The following KCNIP4 variants were observed in gnomAD, a reference collection of about 807,000 sequenced individuals.
The protein encoded by KCNIP4 is Kv channel-interacting protein 4.
In KCNIP4, 12 loss-of-function variants were observed where a neutral mutation model predicts 34.0. The observed-to-expected ratio is 0.35, with a 90% CI of 0.23 to 0.57. The LOEUF is 0.57. KCNIP4 is among the 20% of genes least tolerant of loss of function. The pLI is 0.83. For synonymous variants in KCNIP4, 124 were observed against 102.2 expected, an observed-to-expected ratio of 1.21 and a Z score of -1.29; for missense variants, 238 against 311.7, an observed-to-expected ratio of 0.76 and a Z score of 1.78.
At chr4:20,749,262 A>C (rs886815225) in intron 5 of KCNIP4, among the ~76,000 whole-genome samples, 3 of 151,948 alleles carry the variant, frequency 2.0e-5, no homozygotes, top group Admixed American at 2.0e-4. Context: ...CTTTTTCTAC[A>C]TTTAATTTCT....
At chr4:21,115,223 A>G (rs986885672) in intron 1 of KCNIP4, among the ~76,000 whole-genome samples, 11 of 152,174 alleles carry the variant, frequency 7.2e-5, no homozygotes, top group African/African-American at 2.4e-4. Flanking sequence ...ATAACCATAC[A>G]CAGTTTAATA....
At chr4:21,553,091 G>A (rs1738708840) in intron 1 of KCNIP4, among the ~76,000 whole-genome samples, 1 of 151,454 alleles carries the variant, frequency 6.6e-6, no homozygotes, top group Admixed American at 6.6e-5. Context: ...AAAGGGCCAG[G>A]CAATGCAGAC....
intron 1 of KCNIP4, among the ~76,000 whole-genome samples, chr4:21,874,812 C>A (rs1253710924): frequency 6.6e-6 from 1 of 152,138 alleles, no homozygotes; most frequent in Admixed American, 6.6e-5. Context: ...TACTACCTTT[C>A]CATATTTCCC....
chr4:21,082,219 C>T (rs995336036), intron 1 of KCNIP4, among the ~76,000 whole-genome samples: 4 of 151,694 alleles, frequency 2.6e-5, no homozygotes, highest in African/African-American at 9.7e-5. Flanking sequence ...AGGAAAACAA[C>T]AGCTGATAGC....
chr4:21,662,334 T>C (rs892959488), intron 1 of KCNIP4, among the ~76,000 whole-genome samples: 1 of 152,212 alleles, frequency 6.6e-6, no homozygotes, highest in Non-Finnish European at 1.5e-5. Context: ...ATAAAAAATG[T>C]CCAAAGTCAC....
At chr4:21,279,698 C>T (rs1164076586) in intron 1 of KCNIP4, among the ~76,000 whole-genome samples, 2 of 151,954 alleles carry the variant, frequency 1.3e-5, no homozygotes, top group African/African-American at 2.4e-5. Flanking sequence ...AGATGGACCT[C>T]CCTGTTGATA....
At chr4:21,000,631 G>A (rs1372892946) in intron 1 of KCNIP4, among the ~76,000 whole-genome samples, 1 of 151,972 alleles carries the variant, frequency 6.6e-6, no homozygotes, top group African/African-American at 2.4e-5. Flanking sequence ...GTTGCAGTGA[G>A]CCAAGATCGC....
chr4:21,753,746 T>C (rs939277331), intron 1 of KCNIP4, among the ~76,000 whole-genome samples: 1 of 152,178 alleles, frequency 6.6e-6, no homozygotes, highest in African/African-American at 2.4e-5. Context: ...ATAGCTGCTG[T>C]CAAGAAAACT....
intron 1 of KCNIP4, among the ~76,000 whole-genome samples, chr4:21,912,460 A>C (rs942418512): frequency 1.3e-5 from 2 of 152,254 alleles, no homozygotes; most frequent in African/African-American, 4.8e-5. Flanking sequence ...AATCTAGTGT[A>C]GGAAACAAAC....
intron 3 of KCNIP4, among the ~76,000 whole-genome samples, chr4:20,785,189 A>G (rs1201624411): frequency 6.6e-6 from 1 of 152,110 alleles, no homozygotes; most frequent in African/African-American, 2.4e-5. Context: ...AGGCAGGAAG[A>G]ATGTGAAAGA....
chr4:20,778,091 A>T (rs1756536394), intron 3 of KCNIP4, among the ~76,000 whole-genome samples: 1 of 152,134 alleles, frequency 6.6e-6, no homozygotes, highest in East Asian at 1.9e-4. Flanking sequence ...CAAGGCCTCC[A>T]CTCCCAAACT....
rs573317930 is a variant in KCNIP4 at position 21,179,949 on chromosome 4, C to A, written c.62-297240G>T. On this transcript the variant is annotated intron_variant, in intron 1 of 8. Coordinates refer to ENST00000382152, the MANE Select transcript of KCNIP4 (RefSeq NM_025221.6). Reference sequence around the variant, plus strand: ...TCAATCTAATGCCAGTTCATTGAGCCCCCATCATGGGTCATGCACTGAGCA... The same window carrying A: ...TCAATCTAATGCCAGTTCATTGAGCACCCATCATGGGTCATGCACTGAGCA... Among the ~76,000 whole-genome samples the A allele has an allele frequency of 2.0e-5, 3 of 152,196 alleles. No homozygotes were observed. In the East Asian group the frequency reaches 5.8e-4, roughly 29 times the overall value.
At chr4:20,852,034 CA>C (rs906198059) in intron 2 of KCNIP4, among the ~76,000 whole-genome samples, 10 of 151,276 alleles carry the variant, frequency 6.6e-5, no homozygotes, top group African/African-American at 1.9e-4. Context: ...ATCAAACAAA[CA>C]AAAAAAATAG....
chr4:21,251,248 G>A (rs1760675537), intron 1 of KCNIP4, among the ~76,000 whole-genome samples: 2 of 152,022 alleles, frequency 1.3e-5, no homozygotes, highest in Admixed American at 6.6e-5. Flanking sequence ...TGTAGAGTAA[G>A]GCAGAAAATT....
intron 1 of KCNIP4, among the ~76,000 whole-genome samples, chr4:21,127,171 C>T (rs1750690736): frequency 6.6e-6 from 1 of 152,192 alleles, no homozygotes. Flanking sequence ...GGTCTTCCCT[C>T]TTGGCTGTCC....
At chr4:21,650,919 A>G (rs528018622) in intron 1 of KCNIP4, among the ~76,000 whole-genome samples, 1 of 152,090 alleles carries the variant, frequency 6.6e-6, no homozygotes, top group Non-Finnish European at 1.5e-5. Flanking sequence ...GCATGGGGCC[A>G]CTCAGCTCCT....
chr4:21,295,595 G>A (rs1763792090), intron 1 of KCNIP4, among the ~76,000 whole-genome samples: 1 of 152,024 alleles, frequency 6.6e-6, no homozygotes, highest in Admixed American at 6.6e-5. Context: ...AGAGTCTCTT[G>A]TATGTGGCGG....
At chr4:21,890,352 G>A (rs1009991019) in intron 1 of KCNIP4, among the ~76,000 whole-genome samples, 1 of 152,070 alleles carries the variant, frequency 6.6e-6, no homozygotes, top group Non-Finnish European at 1.5e-5. Context: ...TCTGGAATAT[G>A]CTCTAACTCT....
chr4:21,448,700 G>A (rs982127739), intron 1 of KCNIP4, among the ~76,000 whole-genome samples: 2 of 152,116 alleles, frequency 1.3e-5, no homozygotes, highest in African/African-American at 4.8e-5. Flanking sequence ...AGAAGGCCAA[G>A]GGTATGGAGG....
Sources: gnomAD v4.1 joint callset for allele counts (sites outside exome capture counted in the v4.1 genomes callset) on GRCh38, gnomAD v4.1.1 for gene constraint, MANE v1.5 for transcripts, NCBI Gene and HGNC (gene_info 2026-07-23, HGNC 2026-07-21) for gene names.